The following RELL1 variants were observed in gnomAD, a reference collection of about 807,000 sequenced individuals.
RELL1 encodes RELT-like protein 1.
In RELL1, 10 loss-of-function variants were observed where a neutral mutation model predicts 23.0. The ratio of observed to expected loss-of-function variants is 0.43; its 90% CI spans 0.27 to 0.74. The LOEUF is 0.74. Among genes scored for constraint, RELL1 ranks in the 30% least tolerant of loss-of-function variants. RELL1 has a pLI of 0.19. For synonymous variants in RELL1, 146 were observed against 146.8 expected (o/e 0.99, Z 0.04); for missense variants, 315 against 364.4 (o/e 0.86, Z 1.10).
intron 6 of RELL1, among the ~76,000 whole-genome samples, chr4:37,601,091 G>A (rs6811714): frequency 0.2 from 30,567 of 152,044 alleles, 4,934 homozygotes; most frequent in African/African-American, 0.43. Flanking sequence ...TTCAACATCA[G>A]TCAAGGCAAG....
At chr4:37,639,827 A>C (rs1274699100) in intron 3 of RELL1, among the ~76,000 whole-genome samples, 1 of 152,260 alleles carries the variant, frequency 6.6e-6, no homozygotes, top group Non-Finnish European at 1.5e-5. Context: ...TTTAATGTTT[A>C]ACATTCAAAT....
intron 5 of RELL1, 105 bp from the exon 6 acceptor site, chr4:37,631,628 C>T (rs1720138106): frequency 7.9e-7 from 1 of 1,272,040 alleles, no homozygotes; most frequent in African/African-American, 1.5e-5. Context: ...TGAACTCAGC[C>T]AAAAGTTAGG....
intron 1 of RELL1, among the ~76,000 whole-genome samples, chr4:37,679,130 T>A (rs1722120741): frequency 6.6e-6 from 1 of 152,084 alleles, no homozygotes; most frequent in Non-Finnish European, 1.5e-5. Flanking sequence ...TACCCATCCA[T>A]CCTCCAGAAA....
chr4:37,603,545 C>T (rs1476514192), intron 6 of RELL1, among the ~76,000 whole-genome samples: 2 of 152,126 alleles, frequency 1.3e-5, no homozygotes, highest in East Asian at 1.9e-4. Context: ...CTAAATCGCG[C>T]GACGCCATTT....
chr4:37,655,849 G>A (rs576111823), intron 1 of RELL1, among the ~76,000 whole-genome samples: 27 of 152,338 alleles, frequency 1.8e-4, no homozygotes, highest in African/African-American at 6.3e-4. Flanking sequence ...TTCCAGAAGA[G>A]GTAAGTGGTC....
intron 1 of RELL1, among the ~76,000 whole-genome samples, chr4:37,673,253 T>C (rs13126609): frequency 0.91 from 133,523 of 146,026 alleles, 61,337 homozygotes; most frequent in Non-Finnish European, 0.96. Flanking sequence ...GCAGTGGCAC[T>C]ATCACAGCTC....
chr4:37,597,741 T>C (rs994584581), intron 6 of RELL1, among the ~76,000 whole-genome samples: 1 of 152,252 alleles, frequency 6.6e-6, no homozygotes, highest in Non-Finnish European at 1.5e-5. Flanking sequence ...TCAAGGACTG[T>C]TGTGGTTTTT....
chr4:37,657,324 A>G (rs1348399505), intron 1 of RELL1, among the ~76,000 whole-genome samples: 1 of 152,202 alleles, frequency 6.6e-6, no homozygotes, highest in African/African-American at 2.4e-5. Flanking sequence ...GAACAGAGAC[A>G]CTGAGCTCAT....
In RELL1 at chr4:37,632,114, T is replaced by G. The variant is rs543570826; in HGVS notation, c.681-591A>C. On this transcript the variant is annotated intron_variant, in intron 5 of 6. Transcript: ENST00000454158. ...AAAAAAAAAAAAAAAAAAAAACACCTCAGAGACTCGAATATTAAACAGCGT... is the reference window on the plus strand; with the variant it reads ...AAAAAAAAAAAAAAAAAAAAACACCGCAGAGACTCGAATATTAAACAGCGT... Among the ~76,000 whole-genome samples the G allele has an allele frequency of 9.0e-4, 102 of 113,882 alleles. 1 individual carries two copies. The East Asian group carries it at 0.027, about 30-fold the overall frequency. 74.7% of individuals were successfully genotyped at this position (113,882 alleles called of 152,430 possible). A position where few individuals can be genotyped will look rare whatever the true frequency, so the allele number is the denominator to read the frequency against.
Position 37,652,792 on chromosome 4 carries a change from T to C in RELL1, c.89-3292A>G, listed in dbSNP as rs1277856289. Reference sequence around the variant, plus strand: ...ATGTGTCATTCACTTAATTTCATAATTATCGTGCCATGAAAAAACTGAAGA... The same window carrying C: ...ATGTGTCATTCACTTAATTTCATAACTATCGTGCCATGAAAAAACTGAAGA... On this transcript the variant is annotated intron_variant, in intron 1 of 6. Coordinates refer to ENST00000454158, the MANE Select transcript of RELL1 (RefSeq NM_001085400.2). Among the ~76,000 whole-genome samples the C allele has an allele frequency of 3.9e-5, 6 of 152,334 alleles. No homozygotes were observed. The East Asian group carries it at 9.6e-4, about 24-fold the overall frequency.
intron 1 of RELL1, among the ~76,000 whole-genome samples, chr4:37,650,790 G>A (rs1380585763): frequency 1.5e-5 from 2 of 133,512 alleles, no homozygotes; most frequent in African/African-American, 5.6e-5. Flanking sequence ...GAGATCGCAG[G>A]AAGAACATAC....
chr4:37,604,524 C>T (rs376063317), intron 6 of RELL1, among the ~76,000 whole-genome samples: 5 of 151,884 alleles, frequency 3.3e-5, no homozygotes, highest in East Asian at 1.9e-4. Context: ...CACACACACA[C>T]GCACACTCCA....
intron 3 of RELL1, among the ~76,000 whole-genome samples, chr4:37,640,865 T>C (rs1020296368): frequency 6.6e-6 from 1 of 152,104 alleles, no homozygotes; most frequent in African/African-American, 2.4e-5. Flanking sequence ...TCTGCCAACA[T>C]TTACCATACT....
intron 2 of RELL1, among the ~76,000 whole-genome samples, chr4:37,648,393 G>A (rs571424255): frequency 1.2e-4 from 18 of 152,366 alleles, no homozygotes; most frequent in African/African-American, 3.8e-4. Context: ...AGCTGGCAAG[G>A]AACGAGGAAC....
Position 37,652,959 on chromosome 4 carries a change from G to C in RELL1, c.89-3459C>G, listed in dbSNP as rs56056912. Among the ~76,000 whole-genome samples, 869 of 152,252 alleles carry C rather than the reference G, an allele frequency of 5.7e-3. 10 individuals carry two copies. Among genetic ancestry groups the C allele is most frequent in the African/African-American group, 0.02 (815 of 41,524 alleles). ...TCACCTTAGGCGAGTAATTTTAACT[G>C]TTCTGTACTCTGTTTCCTCTCTGTT... On this transcript the variant is annotated intron_variant, in intron 1 of 6. Coordinates refer to ENST00000454158, the MANE Select transcript of RELL1 (RefSeq NM_001085400.2).
intron 1 of RELL1, among the ~76,000 whole-genome samples, chr4:37,658,731 T>C (rs1051521300): frequency 6.6e-6 from 1 of 152,256 alleles, no homozygotes; most frequent in Non-Finnish European, 1.5e-5. Context: ...TATTTTTCTT[T>C]CAACAATATT....
At chr4:37,590,598 C>T (rs1198124210), downstream of RELL1, 1 of 1,614,048 alleles carries the variant, frequency 6.2e-7, no homozygotes, top group East Asian at 2.2e-5. Context: ...ACCATGTCTT[C>T]CAGATACCAG....
chr4:37,623,161 C>T, intron 6 of RELL1: 1 of 279,566 alleles, frequency 3.6e-6, no homozygotes, highest in Non-Finnish European at 7.0e-6. Flanking sequence ...GCAATCACAG[C>T]TGCTCTGGAG....
intron 1 of RELL1, among the ~76,000 whole-genome samples, chr4:37,654,307 G>T (rs1301577931): frequency 6.6e-6 from 1 of 152,178 alleles, no homozygotes; most frequent in East Asian, 1.9e-4. Context: ...GTGGCTAACT[G>T]CTACCATACT....
Sources: gnomAD v4.1 joint callset for allele counts (sites outside exome capture counted in the v4.1 genomes callset) on GRCh38, gnomAD v4.1.1 for gene constraint, MANE v1.5 for transcripts, NCBI Gene and HGNC (gene_info 2026-07-23, HGNC 2026-07-21) for gene names.